PCGF5: variants seen among roughly 807,000 people sequenced by gnomAD.
The protein encoded by PCGF5 is polycomb group ring finger 5.
Under a neutral mutation model 44.3 loss-of-function variants are expected in PCGF5, and 9 were observed. The ratio of observed to expected loss-of-function variants is 0.20; its 90% CI spans 0.12 to 0.35. The LOEUF is 0.35. Ranked by LOEUF, PCGF5 falls within the 10% of genes least tolerant of loss-of-function variation. The pLI is 1.00. For synonymous variants in PCGF5, 95 were observed against 102.5 expected (o/e 0.93, Z 0.44); for missense variants, 146 against 305.3 (o/e 0.48, Z 3.89).
chr10:91,244,089 A>G (rs1845398366), intron 3 of PCGF5, among the ~76,000 whole-genome samples: 1 of 151,432 alleles, frequency 6.6e-6, no homozygotes, highest in Admixed American at 6.6e-5. Flanking sequence ...CAGTCAATAA[A>G]CCATATAATA....
chr10:91,197,715 T>A (rs979839894), intron 1 of PCGF5, among the ~76,000 whole-genome samples: 2 of 152,144 alleles, frequency 1.3e-5, no homozygotes, highest in Non-Finnish European at 2.9e-5. Flanking sequence ...CTGGACATCA[T>A]CCTCTCCCAC....
chr10:91,226,133 A>T (rs1015196459), intron 2 of PCGF5, among the ~76,000 whole-genome samples: 1 of 152,050 alleles, frequency 6.6e-6, no homozygotes, highest in Non-Finnish European at 1.5e-5. Context: ...GCTAGGTTTT[A>T]TGGAGACTCA....
intron 1 of PCGF5, among the ~76,000 whole-genome samples, chr10:91,185,589 T>C (rs1843907816): frequency 6.6e-6 from 1 of 152,214 alleles, no homozygotes; most frequent in Non-Finnish European, 1.5e-5. Flanking sequence ...GCCTGAGTTG[T>C]AGTTACTTTT....
rs1846386025 is a variant in PCGF5, at chr10:91,279,091, T to G, written c.*775T>G. ...AGTAATGTGTAAGTAAGGTTAATCT[T>G]CTTTCATAATGCCTTATGACAAGCA... On this transcript the variant is annotated 3_prime_UTR_variant, in exon 10 of 10. Coordinates refer to ENST00000336126, the MANE Select transcript of PCGF5 (RefSeq NM_032373.5). 1 of 152,408 alleles carries G rather than the reference T, an allele frequency of 6.6e-6. No individual in the cohort carries two copies. The highest frequency in any genetic ancestry group is 1.5e-5 in the Non-Finnish European group (1 of 68,032). 9.4% of individuals were successfully genotyped at this position (152,408 alleles called of 1,614,324 possible). A position where few individuals can be genotyped will look rare whatever the true frequency, so the allele number is the denominator to read the frequency against.
intron 6 of PCGF5, among the ~76,000 whole-genome samples, chr10:91,255,079 C>T (rs558590825): frequency 2.6e-5 from 4 of 152,144 alleles, no homozygotes; most frequent in African/African-American, 9.6e-5. Flanking sequence ...CATTATTTGA[C>T]TTGTCTGGTT....
chr10:91,166,495 C>G (rs1046108350), intron 1 of PCGF5, among the ~76,000 whole-genome samples: 4 of 152,136 alleles, frequency 2.6e-5, no homozygotes, highest in Non-Finnish European at 4.4e-5. Flanking sequence ...TAGAATTAAC[C>G]TTAGAACTTT....
chr10:91,172,841 A>G (rs1210799385), intron 1 of PCGF5, among the ~76,000 whole-genome samples: 1 of 152,230 alleles, frequency 6.6e-6, no homozygotes, highest in Non-Finnish European at 1.5e-5. Context: ...CTCACTGGGA[A>G]TGTCAGGAAA....
intron 2 of PCGF5, among the ~76,000 whole-genome samples, chr10:91,229,843 T>G (rs1357707326): frequency 6.6e-6 from 1 of 152,146 alleles, no homozygotes; most frequent in Non-Finnish European, 1.5e-5. Flanking sequence ...ATTTATCATC[T>G]CAGTAGGTGC....
chr10:91,272,337 C>A (rs959629592), intron 9 of PCGF5, among the ~76,000 whole-genome samples: 2 of 152,156 alleles, frequency 1.3e-5, no homozygotes, highest in Admixed American at 6.5e-5. Context: ...ATTAATCATA[C>A]CATTTCTTTA....
At position 91,187,479 on chromosome 10, in the gene PCGF5, A is replaced by G. The variant is rs185956271; in HGVS notation, c.-184+24398A>G. On this transcript the variant is annotated intron_variant, in intron 1 of 9. Transcript: ENST00000614189. The stretch of plus-strand genomic sequence containing the variant: ...TCCCAGAGATGAGGTAGAGGTCGCT[A>G]TCAGAGAAGCACACCTAAGGAAAAA... Among the ~76,000 whole-genome samples, 172 of 152,232 alleles carry G rather than the reference A, an allele frequency of 1.1e-3. 1 individual carries two copies. The highest frequency in any genetic ancestry group is 4.3e-3 in the Admixed American group (65 of 15,290).
chr10:91,275,362 G>T (rs569662037), intron 9 of PCGF5, among the ~76,000 whole-genome samples: 53 of 151,832 alleles, frequency 3.5e-4, no homozygotes, highest in Non-Finnish European at 6.3e-4. Flanking sequence ...GGTGGGGAAA[G>T]ATAGTACTCA....
intron 2 of PCGF5, among the ~76,000 whole-genome samples, chr10:91,235,921 G>A (rs891949980): frequency 6.6e-5 from 10 of 151,942 alleles, no homozygotes; most frequent in Non-Finnish European, 1.3e-4. Context: ...TTTATCAGCA[G>A]CGTGAAAACA....
At position 91,261,791 on chromosome 10, in the gene PCGF5, T is replaced by A. The variant is rs144475420; in HGVS notation, c.573+367T>A. 3.3e-5 allele frequency among the ~76,000 whole-genome samples: 5 copies of A among 152,358 alleles called. No individual in the cohort carries two copies. The East Asian group carries it at 9.6e-4, about 29-fold the overall frequency. On this transcript the variant is annotated intron_variant, in intron 7 of 9. Transcript: ENST00000336126. ...CCATTATTACCAATTCTTTATAGAC[T>A]TCTTCAGAATGTAAAACATTGTCTT...
rs568783139 is a variant in PCGF5 at position 91,235,224 on chromosome 10, C to T, written c.113-5260C>T. Among the ~76,000 whole-genome samples the T allele has an allele frequency of 6.6e-5, 10 of 152,230 alleles. No homozygotes were observed. The South Asian group carries it at 1.7e-3, about 25-fold the overall frequency. On this transcript the variant is annotated intron_variant, in intron 2 of 9. Coordinates refer to ENST00000336126, the MANE Select transcript of PCGF5 (RefSeq NM_032373.5). ...TGAATTAATTGGTCTGGGATGGAGC[C>T]TGTGAGTCAATTCTTTAAAAATTCT...
chr10:91,175,987 T>G (rs1260698396), intron 1 of PCGF5, among the ~76,000 whole-genome samples: 3 of 152,244 alleles, frequency 2.0e-5, no homozygotes, highest in Non-Finnish European at 4.4e-5. Flanking sequence ...CGTTAGTTGA[T>G]GCAGTTTCTT....
chr10:91,186,714 T>C (rs773511458), intron 1 of PCGF5, among the ~76,000 whole-genome samples: 1 of 152,138 alleles, frequency 6.6e-6, no homozygotes, highest in Non-Finnish European at 1.5e-5. Context: ...CAACTAGGGA[T>C]GTACTAGTAA....
intron 9 of PCGF5, among the ~76,000 whole-genome samples, chr10:91,273,419 T>C (rs553314745): frequency 6.6e-6 from 1 of 152,320 alleles, no homozygotes; most frequent in South Asian, 2.1e-4. Flanking sequence ...TAAACCATGA[T>C]CCAAAGTATT....
intron 1 of PCGF5, among the ~76,000 whole-genome samples, chr10:91,165,069 T>G (rs1414101214): frequency 1.3e-5 from 2 of 152,246 alleles, no homozygotes; most frequent in Non-Finnish European, 2.9e-5. Flanking sequence ...GGACTGTTTT[T>G]GACAGTTGAA....
At chr10:91,202,944 T>G (rs554716991) in intron 1 of PCGF5, among the ~76,000 whole-genome samples, 1 of 152,338 alleles carries the variant, frequency 6.6e-6, no homozygotes, top group South Asian at 2.1e-4. Context: ...AATGTGTTTG[T>G]GAAAATGACT....
Sources: allele counts gnomAD v4.1 joint callset (sites outside exome capture counted in the v4.1 genomes callset), GRCh38; gene constraint gnomAD v4.1.1; transcripts MANE v1.5; gene names NCBI Gene and HGNC (gene_info 2026-07-23, HGNC 2026-07-21).